MED13: variants seen among roughly 807,000 people sequenced by gnomAD.
The protein encoded by MED13 is mediator complex subunit 13.
MED13 carries 23 observed loss-of-function variants against 225.2 expected under a neutral mutation model. The ratio of observed to expected loss-of-function variants is 0.10; its 90% confidence interval spans 0.07 to 0.14. The LOEUF (loss-of-function observed/expected upper bound fraction) is 0.14, where lower values mean the gene tolerates loss of function less well. Among genes scored for constraint, MED13 ranks in the 10% least tolerant of loss-of-function variants. The probability of loss-of-function intolerance (pLI) is 1.00; values close to 1 mark genes in which losing one functional copy is unlikely to be tolerated. For synonymous variants in MED13, 942 were observed against 889.2 expected, an observed-to-expected ratio of 1.06 and a Z score of -1.06; for missense variants, 2,197 against 2,594.5, an observed-to-expected ratio of 0.85 and a Z score of 3.33.
chr17:61,952,819 T>C lies in MED13; in HGVS notation c.6117+146A>G, dbSNP rs567197002. On this transcript the variant is annotated intron_variant, in intron 27 of 29. Coordinates refer to ENST00000397786, the MANE Select transcript of MED13 (RefSeq NM_005121.3). ...ACCCGGCTATTTTTTACATTTTTAG[T>C]AGAGATGGGGTTTCACCATATTGGC... 9 of 843,732 alleles carry C rather than the reference T, an allele frequency of 1.1e-5. No homozygotes were observed. The South Asian group carries it at 1.4e-4, about 13-fold the overall frequency. The allele number at this position is 843,732 out of a possible 1,614,324, so 52.3% of individuals were successfully genotyped here.
In MED13 at chr17:62,009,988, G is replaced by A. The variant is rs76258083; in HGVS notation, c.1967+562C>T. Among the ~76,000 whole-genome samples, 4,293 of 152,190 alleles carry A rather than the reference G, an allele frequency of 0.028. 627 individuals are homozygous for A. In the East Asian group the frequency reaches 0.46, roughly 16 times the overall value. On this transcript the variant is annotated intron_variant, in intron 9 of 29. Coordinates refer to ENST00000397786, the MANE Select transcript of MED13 (RefSeq NM_005121.3). Reference sequence around the variant, plus strand: ...TGTAATCCCAACACTTCAGGAGGCCGAGGTGGGTGGATCACTTGAGGTCAG... The same window carrying A: ...TGTAATCCCAACACTTCAGGAGGCCAAGGTGGGTGGATCACTTGAGGTCAG...
At chr17:62,022,556 C>A (rs1219614981) in intron 8 of MED13, among the ~76,000 whole-genome samples, 1 of 151,936 alleles carries the variant, frequency 6.6e-6, no homozygotes, top group Non-Finnish European at 1.5e-5. Flanking sequence ...CAATCCTTCT[C>A]CCTTGGCCTC....
chr17:62,015,932 ATATATATATATATATATATATATTTTTT>A (rs1394546983), intron 8 of MED13, among the ~76,000 whole-genome samples: 190 of 7,712 alleles, frequency 0.025, 5 homozygotes, highest in South Asian at 0.08. Context: ...ATATATATAT[ATATATATATATATATATATATATTTTTT>A]TTTTTTTTTT....
At chr17:61,980,931 G>A (rs1291466003) in intron 16 of MED13, among the ~76,000 whole-genome samples, 1 of 151,876 alleles carries the variant, frequency 6.6e-6, no homozygotes, top group South Asian at 2.1e-4. Context: ...TCACCATATT[G>A]GGCAGGCTGG....
intron 27 of MED13, among the ~76,000 whole-genome samples, chr17:61,952,062 G>A (rs1158523711): frequency 1.3e-5 from 2 of 151,924 alleles, no homozygotes; most frequent in African/African-American, 4.8e-5. Context: ...ACCTGGCTAA[G>A]TTTTGTATTT....
intron 8 of MED13, among the ~76,000 whole-genome samples, chr17:62,012,069 A>G (rs2080514921): frequency 6.6e-6 from 1 of 151,786 alleles, no homozygotes; most frequent in African/African-American, 2.4e-5. Flanking sequence ...ATAAAAAATT[A>G]GCCAGGTGTG....
intron 8 of MED13, among the ~76,000 whole-genome samples, chr17:62,015,952 A>T (rs1399874254): frequency 1.9e-4 from 2 of 10,634 alleles, no homozygotes; most frequent in Non-Finnish European, 3.3e-4. Context: ...ATATATATAT[A>T]TATTTTTTTT....
At chr17:61,978,250 A>G (rs553136215) in intron 16 of MED13, among the ~76,000 whole-genome samples, 1 of 145,698 alleles carries the variant, frequency 6.9e-6, no homozygotes, top group South Asian at 2.2e-4. Flanking sequence ...ACTGCTTTTT[A>G]TTTTTTTTAT....
chr17:62,021,867 A>G (rs1328922287), intron 8 of MED13, among the ~76,000 whole-genome samples: 1 of 152,128 alleles, frequency 6.6e-6, no homozygotes, highest in Non-Finnish European at 1.5e-5. Flanking sequence ...TTTAAAAAGG[A>G]TTTAAAATCC....
intron 28 of MED13, among the ~76,000 whole-genome samples, chr17:61,949,302 TG>T (rs1337895352): frequency 1.3e-5 from 2 of 152,090 alleles, no homozygotes; most frequent in African/African-American, 2.4e-5. Flanking sequence ...CATGGCTCAC[TG>T]CAGCCTCAAC....
At chr17:61,946,644 C>A in intron 29 of MED13, 44 bp from the exon 30 acceptor site, 1 of 1,598,950 alleles carries the variant, frequency 6.3e-7, no homozygotes, top group South Asian at 1.1e-5. Context: ...TTATTTCCAA[C>A]CTAGATTTTG....
chr17:62,027,698 C>A (rs940857718), intron 8 of MED13, among the ~76,000 whole-genome samples: 1 of 151,974 alleles, frequency 6.6e-6, no homozygotes, highest in African/African-American at 2.4e-5. Context: ...TGTCTAATAT[C>A]CAGTATCTAA....
intron 23 of MED13, among the ~76,000 whole-genome samples, chr17:61,956,793 C>A (rs912276177): frequency 2.0e-5 from 3 of 152,196 alleles, no homozygotes; most frequent in African/African-American, 7.2e-5. Flanking sequence ...CCTGCCTCGT[C>A]CCCTCAAAGT....
At chr17:62,048,047 T>TACATAC (rs891955999) in intron 3 of MED13, among the ~76,000 whole-genome samples, 1 of 138,538 alleles carries the variant, frequency 7.2e-6, no homozygotes, top group African/African-American at 2.6e-5. Context: ...CATATACATA[T>TACATAC]ATATATATAT....
At chr17:62,003,503 G>C (rs1389488414) in intron 9 of MED13, among the ~76,000 whole-genome samples, 2 of 151,172 alleles carry the variant, frequency 1.3e-5, no homozygotes, top group Admixed American at 6.6e-5. Context: ...TACTTGGGAG[G>C]GTGAGGCAGG....
intron 20 of MED13, among the ~76,000 whole-genome samples, chr17:61,964,661 C>T (rs943614965): frequency 1.3e-5 from 2 of 151,582 alleles, no homozygotes; most frequent in Non-Finnish European, 2.9e-5. Context: ...CATGGCTGGG[C>T]GTGGTGGCTC....
chr17:61,969,078 G>A (rs1462608750), intron 17 of MED13, among the ~76,000 whole-genome samples: 1 of 152,090 alleles, frequency 6.6e-6, no homozygotes, highest in Non-Finnish European at 1.5e-5. Context: ...GCATGGGGCT[G>A]GGTGCAGTGG....
Position 61,959,349 on chromosome 17 carries a change from A to C in MED13, c.5480+1518T>G, listed in dbSNP as rs531947624. On this transcript the variant is annotated intron_variant, in intron 23 of 29. Coordinates refer to ENST00000397786, the MANE Select transcript of MED13 (RefSeq NM_005121.3). ...CCCTCTTAACCATTATCTCACTTCT[A>C]CTTTATCAAGGTAGTAAAATGATAA... Among the ~76,000 whole-genome samples, 23 of 152,212 alleles carry C rather than the reference A, an allele frequency of 1.5e-4. 1 individual carries two copies. The South Asian group carries it at 4.8e-3, about 32-fold the overall frequency.
At chr17:61,979,985 T>C (rs2080189548) in intron 16 of MED13, among the ~76,000 whole-genome samples, 1 of 152,168 alleles carries the variant, frequency 6.6e-6, no homozygotes, top group Non-Finnish European at 1.5e-5. Flanking sequence ...GCTCAGGAGT[T>C]CGAGACCAGC....
Sources: gnomAD v4.1 joint callset for allele counts (sites outside exome capture counted in the v4.1 genomes callset) on GRCh38, gnomAD v4.1.1 for gene constraint, MANE v1.5 for transcripts, NCBI Gene and HGNC (gene_info 2026-07-23, HGNC 2026-07-21) for gene names.